Variants in ZDHHC21 observed in about 807,000 individuals in gnomAD.
The protein encoded by ZDHHC21 is palmitoyltransferase ZDHHC21.
A neutral mutation model predicts 34.6 loss-of-function variants in ZDHHC21; 15 were observed. The ratio of observed to expected loss-of-function variants is 0.43; its 90% CI spans 0.29 to 0.67. The LOEUF is 0.67. ZDHHC21 is among the 30% of genes least tolerant of loss of function. The probability of loss-of-function intolerance (pLI) is 0.14; values close to 1 mark genes in which losing one functional copy is unlikely to be tolerated. For synonymous variants in ZDHHC21, 142 were observed against 101.8 expected (o/e 1.40, Z -2.38); for missense variants, 344 against 327.7 (o/e 1.05, Z -0.38).
rs1166683274 is a variant in ZDHHC21, at chr9:14,616,976, C to G, written c.*1990G>C. 1 of 151,890 alleles carries G rather than the reference C, an allele frequency of 6.6e-6. No homozygotes were observed. The highest frequency in any genetic ancestry group is 6.6e-5 in the Admixed American group (1 of 15,210). The allele number at this position is 151,890 out of a possible 1,614,324, so 9.4% of individuals were successfully genotyped here. On this transcript the variant is annotated 3_prime_UTR_variant, in exon 10 of 10. Coordinates refer to ENST00000380916, the MANE Select transcript of ZDHHC21 (RefSeq NM_178566.6). Reference sequence around the variant, plus strand: ...CCCTGCCCAGTACCCACTGCTACTACATGAAGTATAAATTAGCCACAAAGT... The same window carrying G: ...CCCTGCCCAGTACCCACTGCTACTAGATGAAGTATAAATTAGCCACAAAGT...
At position 14,643,374 on chromosome 9, in the gene ZDHHC21, C is replaced by T. The variant is rs567569597; in HGVS notation, c.505-3362G>A. The stretch of plus-strand genomic sequence containing the variant: ...CATTGCTGGCTCTCCCTCACCCCTA[C>T]CCTAAAGGTAAAGGTTACTAACTCC... On this transcript the variant is annotated intron_variant, in intron 7 of 9. Transcript: ENST00000380916. 4.6e-5 allele frequency among the ~76,000 whole-genome samples: 7 copies of T among 152,284 alleles called. No homozygotes were observed. In the East Asian group the frequency reaches 1.4e-3, roughly 29 times the overall value.
the ZDHHC21 span, among the ~76,000 whole-genome samples, chr9:14,602,309 A>T: frequency 6.6e-6 from 1 of 152,104 alleles, no homozygotes; most frequent in South Asian, 2.1e-4. Context: ...CAAATTTAAA[A>T]AATGAAGAAA....
At chr9:14,682,179 C>A (rs988532068) in intron 2 of ZDHHC21, among the ~76,000 whole-genome samples, 38 of 152,134 alleles carry the variant, frequency 2.5e-4, no homozygotes, top group African/African-American at 8.9e-4. Flanking sequence ...GGATCAAATT[C>A]ACACATAACA....
downstream of ZDHHC21, among the ~76,000 whole-genome samples, chr9:14,606,081 A>G (rs1342100423): frequency 6.6e-6 from 1 of 152,240 alleles, no homozygotes; most frequent in African/African-American, 2.4e-5. Flanking sequence ...CCCAGAAGTC[A>G]TAATAAAAAG....
chr9:14,689,192 G>GC lies in ZDHHC21; in HGVS notation c.-176+1144_-176+1145insG, dbSNP rs570859240. 5.1e-3 allele frequency among the ~76,000 whole-genome samples: 774 copies of GC among 152,260 alleles called. 8 individuals are homozygous for GC. The highest frequency in any genetic ancestry group is 0.017 in the African/African-American group (725 of 41,538). On this transcript the variant is annotated intron_variant, in intron 2 of 9. Coordinates refer to ENST00000380916, the MANE Select transcript of ZDHHC21 (RefSeq NM_178566.6). ...GCTGAAGTTGTATTTCTACACGTTGGTTAGGGGGATCTTTAAGAAGAAAAC... is the reference window on the plus strand; with the variant it reads ...GCTGAAGTTGTATTTCTACACGTTGGCTTAGGGGGATCTTTAAGAAGAAAAC...
In ZDHHC21 at chr9:14,639,899, G is replaced by C; in HGVS notation, c.618C>G (p.Ile206Met). Residue 206 changes from isoleucine to methionine, a missense_variant, in exon 8 of 10, where the codon ATC becomes ATG. Physicochemically the swap from Ile to Met is conservative, Grantham distance 10. Transcript: ENST00000380916. ...GLFYTQLIGI[I>M]TDTTSIEKMS... is the part of the protein sequence containing the mutation. ...TTTACATTAAAAATATACTTACTGT[G>C]ATGATGCCAATTAGTTGAGTGTAAA... The C allele has an allele frequency of 2.6e-6, 4 of 1,532,756 alleles. No homozygotes were observed. The highest frequency in any genetic ancestry group is 3.6e-6 in the Non-Finnish European group (4 of 1,123,938). The allele number at this position is 1,532,756 out of a possible 1,614,324, so 94.9% of individuals were successfully genotyped here. A position where few individuals can be genotyped will look rare whatever the true frequency, so the allele number is the denominator to read the frequency against.
chr9:14,638,944 T>C (rs1431364667), intron 8 of ZDHHC21, among the ~76,000 whole-genome samples: 1 of 151,872 alleles, frequency 6.6e-6, no homozygotes, highest in Non-Finnish European at 1.5e-5. Flanking sequence ...AAAAGAATAC[T>C]GAGAATTCTT....
At chr9:14,648,063 T>G (rs1411994129) in intron 7 of ZDHHC21, among the ~76,000 whole-genome samples, 1 of 152,032 alleles carries the variant, frequency 6.6e-6, no homozygotes, top group African/African-American at 2.4e-5. Context: ...GCTCCCCCTC[T>G]CGGTAACTGG....
chr9:14,689,978 T>C (rs1040429693), intron 2 of ZDHHC21, among the ~76,000 whole-genome samples: 4 of 152,082 alleles, frequency 2.6e-5, no homozygotes, highest in Non-Finnish European at 5.9e-5. Context: ...AAGGTCTCTG[T>C]GGGAATTTTC....
Position 14,649,422 on chromosome 9 carries a change from A to T in ZDHHC21, c.504+9327T>A, listed in dbSNP as rs554224260. Among the ~76,000 whole-genome samples, 22 of 152,236 alleles carry T rather than the reference A, an allele frequency of 1.4e-4. No homozygotes were observed. The South Asian group carries it at 4.6e-3, about 32-fold the overall frequency. On this transcript the variant is annotated intron_variant, in intron 7 of 9. Transcript: ENST00000380916. ...ACATTAAAATAAGCAATCTTAATTT[A>T]ATCCTAAAATAAAATCCCATGATAC...
chr9:14,680,771 T>A (rs967620790), intron 2 of ZDHHC21, among the ~76,000 whole-genome samples: 3 of 152,184 alleles, frequency 2.0e-5, no homozygotes, highest in Non-Finnish European at 4.4e-5. Flanking sequence ...AGAGGCTCTA[T>A]CTTCAATGGA....
At chr9:14,607,110 T>A (rs1823037163), downstream of ZDHHC21, among the ~76,000 whole-genome samples, 1 of 148,114 alleles carries the variant, frequency 6.8e-6, no homozygotes. Flanking sequence ...ATCTACATGA[T>A]GCCCACTACA....
intron 2 of ZDHHC21, among the ~76,000 whole-genome samples, chr9:14,689,127 A>C (rs989436511): frequency 2.0e-5 from 3 of 152,222 alleles, no homozygotes; most frequent in Admixed American, 1.3e-4. Flanking sequence ...CTAGTCAAAA[A>C]AACTTCAAAT....
At chr9:14,649,475 T>C (rs965161678) in intron 7 of ZDHHC21, among the ~76,000 whole-genome samples, 1 of 152,072 alleles carries the variant, frequency 6.6e-6, no homozygotes, top group African/African-American at 2.4e-5. Context: ...CTTTTTGGAA[T>C]GACCCTTAGC....
Position 14,616,003 on chromosome 9 carries a change from T to C in ZDHHC21, c.*2963A>G, listed in dbSNP as rs1223182938. 1.3e-5 allele frequency: 2 copies of C among 151,500 alleles called. No homozygotes were observed. Among genetic ancestry groups the C allele is most frequent in the East Asian group, 3.9e-4 (2 of 5,160 alleles). The allele number at this position is 151,500 out of a possible 1,614,324, so 9.4% of individuals were successfully genotyped here. Reference sequence around the variant, plus strand: ...AAGAAATTGTTACTAAAACTATAGATATAACTCTGCGAAATGTAAAAAAAA... The same window carrying C: ...AAGAAATTGTTACTAAAACTATAGACATAACTCTGCGAAATGTAAAAAAAA... On this transcript the variant is annotated 3_prime_UTR_variant, in exon 10 of 10. Transcript: ENST00000380916.
At chr9:14,667,039 C>CA (rs1269780629) in intron 5 of ZDHHC21, among the ~76,000 whole-genome samples, 1 of 67,112 alleles carries the variant, frequency 1.5e-5, no homozygotes, top group South Asian at 6.7e-4. Context: ...AAAAACCCTT[C>CA]AAAAAATCAA....
rs976987046 is a variant in ZDHHC21, at chr9:14,613,639, A to G, written c.*5327T>C. The stretch of plus-strand genomic sequence containing the variant: ...AGTGTTGAACTGTTATAAGAACGAC[A>G]TTACATGTTACAGATATTCAAAATA... On this transcript the variant is annotated 3_prime_UTR_variant, in exon 10 of 10. Coordinates refer to ENST00000380916, the MANE Select transcript of ZDHHC21 (RefSeq NM_178566.6). 1 of 151,870 alleles carries G rather than the reference A, an allele frequency of 6.6e-6. No individual in the cohort carries two copies. Among genetic ancestry groups the G allele is most frequent in the South Asian group, 2.1e-4 (1 of 4,832 alleles). The allele number at this position is 151,870 out of a possible 1,614,324, so 9.4% of individuals were successfully genotyped here.
intron 7 of ZDHHC21, among the ~76,000 whole-genome samples, chr9:14,653,440 G>A (rs1428693704): frequency 6.6e-6 from 1 of 151,926 alleles, no homozygotes; most frequent in African/African-American, 2.4e-5. Context: ...CAAAAGAACT[G>A]CTGAAGTAAG....
intron 2 of ZDHHC21, among the ~76,000 whole-genome samples, chr9:14,684,832 A>T (rs541401512): frequency 6.6e-6 from 1 of 152,326 alleles, no homozygotes; most frequent in South Asian, 2.1e-4. Context: ...CCAAAACACC[A>T]TGGTACTGGT....
Sources: allele counts gnomAD v4.1 joint callset (sites outside exome capture counted in the v4.1 genomes callset), GRCh38; gene constraint gnomAD v4.1.1; transcripts MANE v1.5; gene names NCBI Gene and HGNC (gene_info 2026-07-23, HGNC 2026-07-21).